PTBP3: variants seen among roughly 807,000 people sequenced by gnomAD.
The protein encoded by PTBP3 is polypyrimidine tract binding protein 3.
Under a neutral mutation model 58.7 loss-of-function variants are expected in PTBP3, and 20 were observed. The ratio of observed to expected loss-of-function variants is 0.34; its 90% CI spans 0.24 to 0.50. The LOEUF is 0.50. Among genes scored for constraint, PTBP3 ranks in the 20% least tolerant of loss-of-function variants. PTBP3 has a pLI of 0.98. For missense variants in PTBP3, 509 were observed against 637.2 expected, an observed-to-expected ratio of 0.80 and a Z score of 2.17; for synonymous variants, 185 against 219.8, an observed-to-expected ratio of 0.84 and a Z score of 1.40.
intron 1 of PTBP3, among the ~76,000 whole-genome samples, chr9:112,331,745 T>TA (rs1830387911): frequency 6.6e-6 from 1 of 152,224 alleles, no homozygotes; most frequent in Admixed American, 6.5e-5. Context: ...TTCAAACCAA[T>TA]AAACCCATTA....
At chr9:112,257,343 T>C (rs773071052) in intron 5 of PTBP3, among the ~76,000 whole-genome samples, 26 of 152,166 alleles carry the variant, frequency 1.7e-4, no homozygotes, top group Non-Finnish European at 3.4e-4. Flanking sequence ...ATTATCAAAA[T>C]AGCAAATTTT....
At chr9:112,233,752 G>A (rs1589803242) in intron 8 of PTBP3, among the ~76,000 whole-genome samples, 2 of 152,068 alleles carry the variant, frequency 1.3e-5, no homozygotes, top group African/African-American at 2.4e-5. Context: ...CCAACATGGC[G>A]AAACCCCACC....
chr9:112,226,631 T>C (rs920131793), intron 12 of PTBP3, among the ~76,000 whole-genome samples: 3 of 152,196 alleles, frequency 2.0e-5, no homozygotes, highest in East Asian at 1.9e-4. Context: ...AGACAGTAAA[T>C]ATCTTAGGCT....
the PTBP3 span, among the ~76,000 whole-genome samples, chr9:112,363,579 T>TTAAA: frequency 0.95 from 143,657 of 151,308 alleles, 68,252 homozygotes; most frequent in African/African-American, 0.98. Flanking sequence ...TCTTGACCTA[T>TTAAA]TAGTCTTGGT....
intron 12 of PTBP3, among the ~76,000 whole-genome samples, chr9:112,225,538 C>T (rs962700226): frequency 5.3e-5 from 8 of 152,102 alleles, no homozygotes; most frequent in African/African-American, 1.9e-4. Flanking sequence ...GTATACTGGA[C>T]TGTACACTTA....
intron 1 of PTBP3, 22 bp downstream of exon 1, chr9:112,333,448 C>T (rs1404946227): frequency 1.9e-6 from 3 of 1,573,890 alleles, no homozygotes; most frequent in African/African-American, 1.4e-5. Context: ...CCGGTGCGGC[C>T]GCCGCGCCGC....
chr9:112,354,257 G>C, the PTBP3 span, among the ~76,000 whole-genome samples: 1 of 152,206 alleles, frequency 6.6e-6, no homozygotes. Context: ...CACAAGGTCA[G>C]TGGTAAAGCT....
At chr9:112,252,593 T>A (rs1836175317) in intron 6 of PTBP3, 85 bp downstream of exon 6, 14 of 1,044,674 alleles carry the variant, frequency 1.3e-5, no homozygotes, top group Middle Eastern at 2.0e-4. Context: ...ACAATTTTTT[T>A]AAAAACACAT....
chr9:112,311,727 C>T (rs776354672), intron 1 of PTBP3, among the ~76,000 whole-genome samples: 5 of 152,090 alleles, frequency 3.3e-5, no homozygotes, highest in Non-Finnish European at 5.9e-5. Context: ...GGCAGGATAG[C>T]TTAAGGCCAG....
At chr9:112,261,790 G>A (rs548976385) in intron 5 of PTBP3, among the ~76,000 whole-genome samples, 2 of 152,274 alleles carry the variant, frequency 1.3e-5, no homozygotes, top group African/African-American at 4.8e-5. Flanking sequence ...ATTACATCAG[G>A]AAGCTTCAAT....
chr9:112,243,661 T>C (rs543047856), intron 7 of PTBP3, among the ~76,000 whole-genome samples: 1 of 152,240 alleles, frequency 6.6e-6, no homozygotes, highest in Non-Finnish European at 1.5e-5. Context: ...CTGGAATTCA[T>C]AAGAGTTTAT....
chr9:112,275,867 A>C lies in PTBP3; in HGVS notation c.181T>G (p.Leu61Val). 1 of 1,613,304 alleles carries C rather than the reference A, an allele frequency of 6.2e-7. No individual in the cohort carries two copies. The highest frequency in any genetic ancestry group is 8.5e-7 in the Non-Finnish European group (1 of 1,179,502). ...GLPFGKVTNL[L>V]MLKGKSQAFL... ...ACCTGGCTTTTTCCTTTCAACATCA[A>C]AAGATTAGTTACTTTGCCAAATGGT... Residue 61 changes from leucine to valine, a missense_variant, in exon 3 of 14, where the codon TTG (leucine) becomes GTG (valine). By Grantham distance (32) the Leu-to-Val change is conservative. This residue lies in a region of PTBP3 where 212 missense variants were observed against 215.3 expected (regional missense o/e 0.98). Transcript: ENST00000374257.
chr9:112,231,972 A>AAG (rs1340563419), intron 9 of PTBP3, 127 bp downstream of exon 9: 4 of 337,326 alleles, frequency 1.2e-5, no homozygotes, highest in African/African-American at 1.1e-4. Flanking sequence ...GAGAAGAGAG[A>AAG]AGAGAAGAGA....
intron 8 of PTBP3, 138 bp from the exon 9 acceptor site, chr9:112,232,376 C>T: frequency 1.2e-6 from 1 of 838,084 alleles, no homozygotes. Context: ...TACTGAAGGC[C>T]AGTTTTCTGC....
intron 1 of PTBP3, among the ~76,000 whole-genome samples, chr9:112,325,562 C>T (rs1397244960): frequency 6.7e-6 from 1 of 149,572 alleles, no homozygotes; most frequent in Non-Finnish European, 1.5e-5. Flanking sequence ...GCAAAAACCC[C>T]TGCATTATAT....
At chr9:112,231,954 GAA>G (rs1835225504) in intron 9 of PTBP3, 143 bp downstream of exon 9, 2 of 379,016 alleles carry the variant, frequency 5.3e-6, no homozygotes, top group South Asian at 7.6e-5. Context: ...GAAGAGAAGA[GAA>G]GAGAAGAGAA....
intron 1 of PTBP3, among the ~76,000 whole-genome samples, chr9:112,328,180 T>C (rs753462353): frequency 5.9e-5 from 9 of 152,250 alleles, no homozygotes; most frequent in Non-Finnish European, 1.0e-4. Context: ...TGTGTCATCA[T>C]ATTCAGATGG....
In PTBP3 at chr9:112,252,586, A is replaced by AT. The variant is rs1589825425; in HGVS notation, c.627+91dup. 11 of 980,024 alleles carry AT rather than the reference A, an allele frequency of 1.1e-5. No homozygotes were observed. In the East Asian group the frequency reaches 2.2e-4, roughly 20 times the overall value. The allele number at this position is 980,024 out of a possible 1,614,324, so 60.7% of individuals were successfully genotyped here. On this transcript the variant is annotated intron_variant, in intron 6 of 13. Coordinates refer to ENST00000374257, the MANE Select transcript of PTBP3 (RefSeq NM_001163788.4). ...TGGTAAACATGTATATTTTGCCACA[A>AT]TTTTTTTAAAAACACATGGTAAAGT...
chr9:112,322,083 T>G (rs1345581678), intron 1 of PTBP3, among the ~76,000 whole-genome samples: 1 of 128,932 alleles, frequency 7.8e-6, no homozygotes, highest in African/African-American at 3.1e-5. Context: ...TGCAGTGAGC[T>G]GAGATCGTGC....
Sources: gnomAD v4.1 joint callset for allele counts (sites outside exome capture counted in the v4.1 genomes callset) on GRCh38, gnomAD v4.1.1 for gene constraint, gnomAD v4.1.1 regional missense constraint, MANE v1.5 for transcripts, NCBI Gene and HGNC (gene_info 2026-07-23, HGNC 2026-07-21) for gene names.